Variants in GMDS observed in about 807,000 individuals in gnomAD.
GMDS encodes the protein GDP-mannose 4,6 dehydratase.
GMDS carries 20 observed loss-of-function variants against 49.9 expected under a neutral mutation model. The ratio of observed to expected loss-of-function variants is 0.40; its 90% CI spans 0.28 to 0.58. The LOEUF is 0.58. Among genes scored for constraint, GMDS ranks in the 20% least tolerant of loss-of-function variants. The probability of loss-of-function intolerance (pLI) is 0.42; values close to 1 mark genes in which losing one functional copy is unlikely to be tolerated. For missense variants in GMDS, 362 were observed against 481.4 expected, an observed-to-expected ratio of 0.75 and a Z score of 2.32; for synonymous variants, 177 against 178.6, an observed-to-expected ratio of 0.99 and a Z score of 0.07.
intron 9 of GMDS, among the ~76,000 whole-genome samples, chr6:1,633,467 C>G (rs1763055707): frequency 6.6e-6 from 1 of 152,106 alleles, no homozygotes; most frequent in Non-Finnish European, 1.5e-5. Flanking sequence ...TCTGGCAGCA[C>G]AAGAGTTGGC....
chr6:1,652,966 T>C lies in GMDS; in HGVS notation c.988-28426A>G, dbSNP rs935810358. ...TCCCTCTCGATCCCTCAGGCCTGCATTGTATTTTGGCCTTCCGGGCCACCT... is the reference window on the plus strand; with the variant it reads ...TCCCTCTCGATCCCTCAGGCCTGCACTGTATTTTGGCCTTCCGGGCCACCT... On this transcript the variant is annotated intron_variant, in intron 9 of 10. Transcript: ENST00000380815. Among the ~76,000 whole-genome samples the C allele has an allele frequency of 4.7e-5, 7 of 150,306 alleles. No individual in the cohort carries two copies. In the South Asian group the frequency reaches 8.4e-4, roughly 18 times the overall value.
chr6:1,797,216 G>T (rs1333435001), intron 7 of GMDS, among the ~76,000 whole-genome samples: 1 of 152,160 alleles, frequency 6.6e-6, no homozygotes, highest in Non-Finnish European at 1.5e-5. Flanking sequence ...CACTCCTTAT[G>T]AAACTCTAAT....
chr6:1,777,926 C>T (rs1034787268), intron 7 of GMDS, among the ~76,000 whole-genome samples: 7 of 152,136 alleles, frequency 4.6e-5, no homozygotes, highest in Admixed American at 4.6e-4. Flanking sequence ...TATGACCTTA[C>T]ACCCCAAATA....
intron 9 of GMDS, among the ~76,000 whole-genome samples, chr6:1,652,099 G>A (rs1316449107): frequency 6.6e-6 from 1 of 151,508 alleles, no homozygotes; most frequent in Admixed American, 6.6e-5. Flanking sequence ...CAGGCCGGGT[G>A]TGGTGGCTCA....
chr6:1,657,622 G>T (rs1221695501), intron 9 of GMDS, among the ~76,000 whole-genome samples: 1 of 152,064 alleles, frequency 6.6e-6, no homozygotes, highest in African/African-American at 2.4e-5. Flanking sequence ...TCTTTCACTG[G>T]CTGAGTTTGT....
rs780589284 is a variant in GMDS at position 2,197,340 on chromosome 6, GGT to G, written c.102+47979_102+47980del. On this transcript the variant is annotated intron_variant, in intron 1 of 10. Transcript: ENST00000380815. ...ATGCCTCTATTCCTCCTCCCGCCCA[GGT>G]TCTTGGTGGAGGGTAGATGCTATTA... Among the ~76,000 whole-genome samples the G allele has an allele frequency of 2.6e-5, 4 of 152,282 alleles. No homozygotes were observed. In the East Asian group the frequency reaches 7.7e-4, roughly 29 times the overall value.
chr6:1,841,226 ACT>A (rs1416556862), intron 7 of GMDS, among the ~76,000 whole-genome samples: 1 of 151,978 alleles, frequency 6.6e-6, no homozygotes, highest in East Asian at 1.9e-4. Flanking sequence ...AATCAAATGA[ACT>A]CTCTCTCCTA....
chr6:1,803,357 G>GT (rs1770026976), intron 7 of GMDS, among the ~76,000 whole-genome samples: 1 of 152,014 alleles, frequency 6.6e-6, no homozygotes. Context: ...ACCAGTCAAT[G>GT]TATTTCTTTT....
At chr6:2,073,902 C>T (rs1772163400) in intron 4 of GMDS, among the ~76,000 whole-genome samples, 1 of 152,146 alleles carries the variant, frequency 6.6e-6, no homozygotes, top group Non-Finnish European at 1.5e-5. Context: ...TTTCTTTATA[C>T]ATTTGTCCAC....
chr6:1,853,992 C>T (rs1757832273), intron 7 of GMDS, among the ~76,000 whole-genome samples: 1 of 152,052 alleles, frequency 6.6e-6, no homozygotes, highest in Non-Finnish European at 1.5e-5. Context: ...TGGACATGGT[C>T]AAGAGTGGAA....
chr6:1,789,537 T>C (rs534339577), intron 7 of GMDS, among the ~76,000 whole-genome samples: 32 of 43,888 alleles, frequency 7.3e-4, no homozygotes, highest in East Asian at 1.1e-3. Flanking sequence ...TTTTTCTTTT[T>C]TTTTTTTTTT....
chr6:1,645,436 G>A (rs959502668), intron 9 of GMDS, among the ~76,000 whole-genome samples: 1 of 152,178 alleles, frequency 6.6e-6, no homozygotes, highest in African/African-American at 2.4e-5. Context: ...TGCAAATGGC[G>A]CCTTCTACCC....
intron 1 of GMDS, among the ~76,000 whole-genome samples, chr6:2,197,008 G>C (rs1389936389): frequency 6.6e-6 from 1 of 152,132 alleles, no homozygotes; most frequent in African/African-American, 2.4e-5. Context: ...CTAGTAAAAG[G>C]GTTGCAAGTT....
At chr6:1,666,941 G>A (rs902987241) in intron 9 of GMDS, among the ~76,000 whole-genome samples, 2 of 152,194 alleles carry the variant, frequency 1.3e-5, no homozygotes, top group East Asian at 1.9e-4. Context: ...TCTGGGGGAA[G>A]GGCACTGTGT....
chr6:1,997,414 A>G (rs759017599), intron 4 of GMDS, among the ~76,000 whole-genome samples: 1 of 149,764 alleles, frequency 6.7e-6, no homozygotes, highest in Non-Finnish European at 1.5e-5. Flanking sequence ...AGGCTGAGGC[A>G]GGAGATTTGT....
At chr6:2,082,199 C>T (rs1772755667) in intron 4 of GMDS, among the ~76,000 whole-genome samples, 1 of 152,230 alleles carries the variant, frequency 6.6e-6, no homozygotes, top group Non-Finnish European at 1.5e-5. Flanking sequence ...CAAACACACA[C>T]TCAAACAAAA....
intron 4 of GMDS, among the ~76,000 whole-genome samples, chr6:2,005,743 C>T (rs1767123015): frequency 6.6e-6 from 1 of 152,208 alleles, no homozygotes; most frequent in Non-Finnish European, 1.5e-5. Flanking sequence ...TATCCAACTT[C>T]CAGACTCAGC....
chr6:2,115,723 A>G lies in GMDS; in HGVS notation c.345+48T>C, dbSNP rs375902100. 1.9e-5 allele frequency: 18 copies of G among 949,706 alleles called. No individual in the cohort carries two copies. In the African/African-American group the frequency reaches 2.7e-4, roughly 14 times the overall value. 58.8% of individuals were successfully genotyped at this position (949,706 alleles called of 1,614,324 possible). ...GAAGCAGCAGACACAAGTAAAATAC[A>G]GAACGCCACAGAAACACGGCCAGAG... On this transcript the variant is annotated intron_variant, in intron 4 of 10. Coordinates refer to ENST00000380815, the MANE Select transcript of GMDS (RefSeq NM_001500.4).
chr6:1,740,979 G>A (rs530723169), intron 8 of GMDS, among the ~76,000 whole-genome samples: 1 of 152,264 alleles, frequency 6.6e-6, no homozygotes, highest in South Asian at 2.1e-4. Flanking sequence ...GAAGTATATT[G>A]AGACAAAATG....
Sources: gnomAD v4.1 joint callset for allele counts (sites outside exome capture counted in the v4.1 genomes callset) on GRCh38, gnomAD v4.1.1 for gene constraint, MANE v1.5 for transcripts, NCBI Gene and HGNC (gene_info 2026-07-23, HGNC 2026-07-21) for gene names.